EPHA4: variants seen among roughly 807,000 people sequenced by gnomAD.
EPHA4 encodes EPH receptor A4.
EPHA4 carries 19 observed loss-of-function variants against 108.3 expected under a neutral mutation model. The observed-to-expected ratio is 0.18, with a 90% CI of 0.12 to 0.26. EPHA4 has a LOEUF of 0.26. Among genes scored for constraint, EPHA4 ranks in the 10% least tolerant of loss-of-function variants. The probability of loss-of-function intolerance (pLI) is 1.00; values close to 1 mark genes in which losing one functional copy is unlikely to be tolerated. For missense variants in EPHA4, 917 were observed against 1,254.0 expected (o/e 0.73, Z 4.06); for synonymous variants, 449 against 455.5 (o/e 0.99, Z 0.18).
At chr2:221,547,623 G>A (rs1694036499) in intron 3 of EPHA4, among the ~76,000 whole-genome samples, 2 of 152,190 alleles carry the variant, frequency 1.3e-5, no homozygotes, top group East Asian at 1.9e-4. Context: ...TCTGAAAAAT[G>A]TTAGAATAAT....
Position 221,501,009 on chromosome 2 carries a change from C to A in EPHA4, c.979+8G>T. On this transcript the variant is annotated splice_region_variant and intron_variant, in intron 4 of 17. Transcript: ENST00000281821. ...ATCACAGGAATGAGAGACAAGCATA[C>A]AACTTACGGGTGCAGGGCATAGAGG... 1 of 1,586,058 alleles carries A rather than the reference C, an allele frequency of 6.3e-7. No homozygotes were observed. Among genetic ancestry groups the A allele is most frequent in the South Asian group, 1.2e-5 (1 of 86,220 alleles).
intron 3 of EPHA4, among the ~76,000 whole-genome samples, chr2:221,519,981 T>C (rs568925569): frequency 6.6e-6 from 1 of 152,198 alleles, no homozygotes; most frequent in East Asian, 1.9e-4. Flanking sequence ...TGTCTCTTCT[T>C]TTCTCTTTTG....
chr2:221,544,572 C>T (rs758962132), intron 3 of EPHA4, among the ~76,000 whole-genome samples: 1 of 152,108 alleles, frequency 6.6e-6, no homozygotes, highest in Non-Finnish European at 1.5e-5. Context: ...GTGATCCACG[C>T]GTATCGGCCT....
At chr2:221,505,197 T>C (rs1692593498) in intron 3 of EPHA4, among the ~76,000 whole-genome samples, 1 of 152,224 alleles carries the variant, frequency 6.6e-6, no homozygotes, top group Admixed American at 6.5e-5. Context: ...ATACACCAGA[T>C]ACCAAACACT....
chr2:221,504,495 A>G (rs568524947), intron 3 of EPHA4, among the ~76,000 whole-genome samples: 3 of 151,962 alleles, frequency 2.0e-5, no homozygotes, highest in South Asian at 4.1e-4. Flanking sequence ...GTGACAGTAT[A>G]ATGCCCAATT....
intron 15 of EPHA4, among the ~76,000 whole-genome samples, chr2:221,428,756 G>A (rs1160250299): frequency 1.3e-5 from 2 of 152,202 alleles, no homozygotes; most frequent in Admixed American, 6.5e-5. Context: ...AAGTGGCAGA[G>A]GTGAAATGTT....
chr2:221,420,624 TAAGA>T (rs546933742), intron 17 of EPHA4, 72 bp from the exon 18 acceptor site: 120 of 152,276 alleles, frequency 7.9e-4, no homozygotes, highest in African/African-American at 2.6e-3. Context: ...ACCACTATTG[TAAGA>T]AAGAATATAT....
At chr2:221,558,524 A>C (rs929989812) in intron 3 of EPHA4, among the ~76,000 whole-genome samples, 1 of 152,166 alleles carries the variant, frequency 6.6e-6, no homozygotes, top group African/African-American at 2.4e-5. Flanking sequence ...GTAACTGAAA[A>C]ACCACTTAAG....
chr2:221,566,469 C>T (rs939469859), intron 2 of EPHA4, among the ~76,000 whole-genome samples: 3 of 151,974 alleles, frequency 2.0e-5, no homozygotes, highest in African/African-American at 4.8e-5. Flanking sequence ...AAAAAGTCCT[C>T]GTCAATTATA....
chr2:221,433,113 A>G (rs940344719), intron 14 of EPHA4, among the ~76,000 whole-genome samples: 2 of 152,082 alleles, frequency 1.3e-5, no homozygotes, highest in Non-Finnish European at 2.9e-5. Context: ...CGTGAGCCAC[A>G]GGGCCCGGCC....
intron 5 of EPHA4, among the ~76,000 whole-genome samples, chr2:221,458,234 G>A (rs1691023517): frequency 6.6e-6 from 1 of 152,194 alleles, no homozygotes; most frequent in South Asian, 2.1e-4. Flanking sequence ...TCACAGGCCT[G>A]TAGTACCATT....
In EPHA4 at chr2:221,449,127, G is replaced by GA. The variant is rs201237703; in HGVS notation, c.1716-2947dup. 6.1e-4 allele frequency among the ~76,000 whole-genome samples: 93 copies of GA among 151,236 alleles called. 1 individual carries two copies. In the South Asian group the frequency reaches 6.3e-3, roughly 10 times the overall value. ...ACCCTTAAGACTGCAGGAAATGGCTGAAAAAAAACCACAAGGATTACTGTT... is the reference window on the plus strand; with the variant it reads ...ACCCTTAAGACTGCAGGAAATGGCTGAAAAAAAAACCACAAGGATTACTGTT... On this transcript the variant is annotated intron_variant, in intron 8 of 17. Transcript: ENST00000281821.
intron 2 of EPHA4, among the ~76,000 whole-genome samples, chr2:221,566,951 A>AAGGGGAAGGG (rs1694677881): frequency 2.1e-5 from 1 of 48,584 alleles, no homozygotes; most frequent in Non-Finnish European, 3.7e-5. Flanking sequence ...AAGGAGAAGG[A>AAGGGGAAGGG]GAAGGGGAAG....
intron 10 of EPHA4, 62 bp downstream of exon 10, chr2:221,443,431 A>C (rs530510386): frequency 8.2e-7 from 1 of 1,217,164 alleles, no homozygotes; most frequent in African/African-American, 1.5e-5. Context: ...TGTAATCCAC[A>C]CACATATTTA....
intron 8 of EPHA4, among the ~76,000 whole-genome samples, chr2:221,452,915 A>G (rs373254019): frequency 4.6e-5 from 7 of 152,328 alleles, no homozygotes; most frequent in African/African-American, 1.7e-4. Flanking sequence ...ACGGCTTTTA[A>G]TAAACTTGTC....
chr2:221,426,248 A>C, intron 16 of EPHA4, 106 bp from the exon 17 acceptor site: 6 of 1,107,804 alleles, frequency 5.4e-6, no homozygotes, highest in Non-Finnish European at 8.1e-6. Context: ...CAATTAATAC[A>C]GCACAACAAG....
chr2:221,428,684 G>A (rs1178293240), intron 15 of EPHA4, among the ~76,000 whole-genome samples: 1 of 152,158 alleles, frequency 6.6e-6, no homozygotes, highest in Non-Finnish European at 1.5e-5. Context: ...GAGAACAGAA[G>A]AACAAGAAAT....
intron 3 of EPHA4, among the ~76,000 whole-genome samples, chr2:221,548,656 C>T (rs1452656091): frequency 6.6e-6 from 1 of 151,968 alleles, no homozygotes; most frequent in Non-Finnish European, 1.5e-5. Flanking sequence ...TTATGACGTA[C>T]TCTTAGATTT....
chr2:221,440,553 C>T (rs1690389539), intron 11 of EPHA4, among the ~76,000 whole-genome samples: 1 of 151,414 alleles, frequency 6.6e-6, no homozygotes, highest in Non-Finnish European at 1.5e-5. Context: ...CTATTCTATG[C>T]TAATTATAGC....
Sources: allele counts gnomAD v4.1 joint callset (sites outside exome capture counted in the v4.1 genomes callset), GRCh38; gene constraint gnomAD v4.1.1; transcripts MANE v1.5; gene names NCBI Gene and HGNC (gene_info 2026-07-23, HGNC 2026-07-21).